Variants in PPARGC1A observed in about 807,000 individuals in gnomAD.
PPARGC1A encodes the protein peroxisome proliferator-activated receptor gamma coactivator 1-alpha.
In PPARGC1A, 25 loss-of-function variants were observed where a neutral mutation model predicts 88.7. The ratio of observed to expected loss-of-function variants is 0.28; its 90% CI spans 0.21 to 0.39. The LOEUF (loss-of-function observed/expected upper bound fraction) is 0.39. PPARGC1A is among the 10% of genes least tolerant of loss of function. The pLI, the probability that PPARGC1A is intolerant of heterozygous loss-of-function variation, is 1.00. For missense variants in PPARGC1A, 880 were observed against 968.7 expected, an observed-to-expected ratio of 0.91 and a Z score of 1.22; for synonymous variants, 363 against 355.6, an observed-to-expected ratio of 1.02 and a Z score of -0.24.
the PPARGC1A span, among the ~76,000 whole-genome samples, chr4:24,110,216 A>G: frequency 6.6e-6 from 1 of 152,178 alleles, no homozygotes; most frequent in Admixed American, 6.5e-5. Flanking sequence ...AGCCTTAGGT[A>G]AGAAGATCAA....
the PPARGC1A span, among the ~76,000 whole-genome samples, chr4:24,018,038 GGTCAA>G: frequency 1.3e-5 from 2 of 151,942 alleles, no homozygotes; most frequent in African/African-American, 4.8e-5. Context: ...GAACTCTAAG[GGTCAA>G]GTTATAGCAT....
the PPARGC1A span, among the ~76,000 whole-genome samples, chr4:24,317,686 AT>A: frequency 7.1e-6 from 1 of 141,366 alleles, no homozygotes; most frequent in East Asian, 2.4e-4. Flanking sequence ...GTAGGGCTGG[AT>A]TTTTTTTCAC....
chr4:24,357,116 C>T, the PPARGC1A span, among the ~76,000 whole-genome samples: 4 of 152,214 alleles, frequency 2.6e-5, no homozygotes, highest in South Asian at 2.1e-4. Context: ...CCAGCCTGAG[C>T]GTTCAGGTGC....
chr4:24,338,815 C>G, the PPARGC1A span, among the ~76,000 whole-genome samples: 1 of 152,010 alleles, frequency 6.6e-6, no homozygotes, highest in African/African-American at 2.4e-5. Flanking sequence ...GGCTTAATTC[C>G]AAAGGCCCCA....
the PPARGC1A span, among the ~76,000 whole-genome samples, chr4:23,965,826 C>T: frequency 6.6e-6 from 1 of 152,296 alleles, no homozygotes; most frequent in African/African-American, 2.4e-5. Context: ...ACTGTAATGC[C>T]TCCTGTCATC....
At chr4:24,005,885 G>A in the PPARGC1A span, among the ~76,000 whole-genome samples, 3 of 152,120 alleles carry the variant, frequency 2.0e-5, no homozygotes, top group African/African-American at 7.2e-5. Flanking sequence ...GATTAAGTGT[G>A]GGAGTTGGAA....
chr4:24,100,091 T>C, the PPARGC1A span, among the ~76,000 whole-genome samples: 4 of 152,082 alleles, frequency 2.6e-5, no homozygotes, highest in Non-Finnish European at 5.9e-5. Context: ...CTGCATGTTG[T>C]GCACATGTAT....
rs184120332 is a variant in PPARGC1A at position 23,862,671 on chromosome 4, T to G, written c.234+22081A>C. On this transcript the variant is annotated intron_variant, in intron 2 of 12. Transcript: ENST00000264867. ...CTCTGTAAAACTATGTTTTTAACAT[T>G]GTCTTAAGATGTTGAGTCCAGTGCT... Among the ~76,000 whole-genome samples the G allele has an allele frequency of 3.7e-3, 567 of 152,342 alleles. 1 individual carries two copies. Among genetic ancestry groups the G allele is most frequent in the Non-Finnish European group, 5.6e-3 (383 of 68,036 alleles).
the PPARGC1A span, among the ~76,000 whole-genome samples, chr4:24,056,985 A>G: frequency 6.6e-6 from 1 of 152,204 alleles, no homozygotes; most frequent in Non-Finnish European, 1.5e-5. Context: ...AGGGTCTTAA[A>G]AAGAGATATC....
chr4:24,267,883 G>A, the PPARGC1A span, among the ~76,000 whole-genome samples: 2 of 152,210 alleles, frequency 1.3e-5, no homozygotes, highest in East Asian at 3.9e-4. Context: ...GGCACCATCT[G>A]TATTTATAAA....
the PPARGC1A span, among the ~76,000 whole-genome samples, chr4:24,463,283 A>G: frequency 3.3e-5 from 5 of 152,254 alleles, no homozygotes; most frequent in Admixed American, 3.3e-4. Flanking sequence ...TGGAGCAGTT[A>G]CCAAAAATAA....
At chr4:23,963,740 A>G in the PPARGC1A span, among the ~76,000 whole-genome samples, 1 of 152,178 alleles carries the variant, frequency 6.6e-6, no homozygotes, top group Admixed American at 6.5e-5. Context: ...TGCTAACCGC[A>G]TAATTGCTTT....
chr4:24,277,835 T>G, the PPARGC1A span, among the ~76,000 whole-genome samples: 1 of 151,968 alleles, frequency 6.6e-6, no homozygotes, highest in Admixed American at 6.6e-5. Flanking sequence ...GTGTCATCAG[T>G]AAGTAATTTA....
the PPARGC1A span, among the ~76,000 whole-genome samples, chr4:24,228,436 A>G: frequency 6.6e-6 from 1 of 152,204 alleles, no homozygotes; most frequent in Non-Finnish European, 1.5e-5. Context: ...AGTGAGAGCT[A>G]AACATTGAGT....
chr4:24,254,454 T>C, the PPARGC1A span, among the ~76,000 whole-genome samples: 144,018 of 152,256 alleles, frequency 0.95, 68,167 homozygotes, highest in East Asian at 1. Flanking sequence ...TTCAGGTTGC[T>C]GTTCAACCAT....
the PPARGC1A span, among the ~76,000 whole-genome samples, chr4:24,389,669 T>C: frequency 6.6e-6 from 1 of 152,186 alleles, no homozygotes; most frequent in South Asian, 2.1e-4. Flanking sequence ...TTATGACTAT[T>C]AATAATGATA....
At chr4:24,263,181 T>TA in the PPARGC1A span, among the ~76,000 whole-genome samples, 1 of 152,194 alleles carries the variant, frequency 6.6e-6, no homozygotes. Context: ...ACAAGTGACG[T>TA]AAGACCTTTC....
chr4:23,876,314 T>A (rs1179689004), intron 2 of PPARGC1A, among the ~76,000 whole-genome samples: 1 of 152,222 alleles, frequency 6.6e-6, no homozygotes, highest in Admixed American at 6.5e-5. Flanking sequence ...ATACCCAAAC[T>A]GCTTCCATAA....
chr4:24,466,584 A>G, the PPARGC1A span, among the ~76,000 whole-genome samples: 1 of 152,220 alleles, frequency 6.6e-6, no homozygotes, highest in Non-Finnish European at 1.5e-5. Context: ...AAATATTTAT[A>G]AAGTATATGG....
Sources: gnomAD v4.1 joint callset for allele counts (sites outside exome capture counted in the v4.1 genomes callset) on GRCh38, gnomAD v4.1.1 for gene constraint, MANE v1.5 for transcripts, NCBI Gene and HGNC (gene_info 2026-07-23, HGNC 2026-07-21) for gene names.